Variants in NCAM2 observed in about 807,000 individuals in gnomAD.
The protein encoded by NCAM2 is neural cell adhesion molecule 2, also known as N-CAM-2.
Under a neutral mutation model 98.1 loss-of-function variants are expected in NCAM2, and 30 were observed. The observed-to-expected ratio is 0.31, with a 90% confidence interval of 0.23 to 0.41. The LOEUF (loss-of-function observed/expected upper bound fraction) is 0.41, where lower values mean the gene tolerates loss of function less well. Among genes scored for constraint, NCAM2 ranks in the 10% least tolerant of loss-of-function variants. The probability of loss-of-function intolerance (pLI) is 1.00; values close to 1 mark genes in which losing one functional copy is unlikely to be tolerated. For synonymous variants in NCAM2, 368 were observed against 342.4 expected (o/e 1.07, Z -0.83); for missense variants, 867 against 1,005.8 (o/e 0.86, Z 1.87).
chr21:21,497,538 C>T (rs1036479425), intron 15 of NCAM2, among the ~76,000 whole-genome samples: 1 of 151,964 alleles, frequency 6.6e-6, no homozygotes, highest in Non-Finnish European at 1.5e-5. Flanking sequence ...GTTCCGAATC[C>T]CTGATAAGCT....
chr21:21,198,641 A>G (rs1601623786), intron 1 of NCAM2, among the ~76,000 whole-genome samples: 1 of 152,158 alleles, frequency 6.6e-6, no homozygotes, highest in East Asian at 1.9e-4. Flanking sequence ...TCTGTTGATA[A>G]TAACTACTGG....
At chr21:21,458,485 C>A (rs1330800471) in intron 12 of NCAM2, among the ~76,000 whole-genome samples, 1 of 152,118 alleles carries the variant, frequency 6.6e-6, no homozygotes, top group Non-Finnish European at 1.5e-5. Context: ...GGGAGTGGAG[C>A]AAATCAATGG....
intron 5 of NCAM2, among the ~76,000 whole-genome samples, chr21:21,308,377 C>T (rs2073947101): frequency 6.6e-6 from 1 of 151,980 alleles, no homozygotes; most frequent in Admixed American, 6.6e-5. Flanking sequence ...ATATAAAATA[C>T]ATTTTTGCTG....
At chr21:21,293,794 T>C (rs2073379882) in intron 5 of NCAM2, among the ~76,000 whole-genome samples, 1 of 151,800 alleles carries the variant, frequency 6.6e-6, no homozygotes. Flanking sequence ...TCCAAAAAGA[T>C]TTATGATGAA....
intron 1 of NCAM2, among the ~76,000 whole-genome samples, chr21:21,247,914 C>T (rs142524773): frequency 1.3e-5 from 2 of 152,250 alleles, no homozygotes; most frequent in East Asian, 3.9e-4. Context: ...CCTTTCCCTT[C>T]TTCCTTCTTT....
chr21:21,324,706 G>C (rs2074467925), intron 6 of NCAM2, among the ~76,000 whole-genome samples: 1 of 152,028 alleles, frequency 6.6e-6, no homozygotes, highest in African/African-American at 2.4e-5. Context: ...AATATTCTGA[G>C]TCAAAGGCTG....
intron 17 of NCAM2, among the ~76,000 whole-genome samples, 187 bp from the exon 18 acceptor site, chr21:21,537,659 A>G (rs1990053623): frequency 6.6e-6 from 1 of 152,100 alleles, no homozygotes; most frequent in African/African-American, 2.4e-5. Flanking sequence ...TATTATGTTA[A>G]TAAATTTAAT....
Position 21,374,080 on chromosome 21 carries a change from A to G in NCAM2, c.1195+67A>G, listed in dbSNP as rs578013303. 8.6e-5 allele frequency: 126 copies of G among 1,472,288 alleles called. No homozygotes were observed. In the Admixed American group the frequency reaches 1.1e-3, roughly 13 times the overall value. 91.2% of individuals were successfully genotyped at this position (1,472,288 alleles called of 1,614,324 possible). On this transcript the variant is annotated intron_variant, in intron 9 of 17. Transcript: ENST00000400546. ...ATGCTTTGAAACATATGATTTTTCA[A>G]TAAAGACCAAAATATATATGTAGTT...
intron 8 of NCAM2, among the ~76,000 whole-genome samples, chr21:21,348,958 TC>T (rs1568963808): frequency 7.9e-5 from 12 of 152,110 alleles, no homozygotes; most frequent in African/African-American, 2.9e-4. Flanking sequence ...AAGACTTAAA[TC>T]TAAGACCTCA....
In NCAM2 at chr21:20,998,581, C is replaced by T. The variant is rs201622691; in HGVS notation, c.18C>T (p.Ser6=). The T allele has an allele frequency of 1.4e-4, 219 of 1,614,000 alleles. No homozygotes were observed. Among genetic ancestry groups the T allele is most frequent in the Non-Finnish European group, 1.8e-4 (208 of 1,180,008 alleles). The part of the protein sequence containing the change: MSLLL[S]FYLLGLLVSS... ...TCCTGAACATGAGCCTCCTCCTCTC[C>T]TTCTACCTGCTGGGGTTGCTTGTCA... Residue 6 remains serine, a synonymous_variant, in exon 1 of 18, where the codon TCC becomes TCT. Coordinates refer to ENST00000400546, the MANE Select transcript of NCAM2 (RefSeq NM_004540.5).
intron 7 of NCAM2, among the ~76,000 whole-genome samples, chr21:21,335,929 C>A (rs955328225): frequency 1.3e-5 from 2 of 152,086 alleles, no homozygotes; most frequent in Non-Finnish European, 2.9e-5. Flanking sequence ...GGTTTGTCAT[C>A]TGTGTCTGTA....
intron 9 of NCAM2, among the ~76,000 whole-genome samples, chr21:21,393,743 T>C (rs1021931865): frequency 2.0e-5 from 3 of 152,148 alleles, no homozygotes; most frequent in Non-Finnish European, 4.4e-5. Context: ...AATCTTTGTT[T>C]TCTAAATACA....
chr21:21,260,194 A>G (rs7281350), intron 1 of NCAM2, among the ~76,000 whole-genome samples: 150,619 of 151,912 alleles, frequency 0.99, 74,684 homozygotes, highest in East Asian at 1. Context: ...AGAGATGTGG[A>G]ATTATGTAAA....
chr21:21,530,302 A>T (rs918770175), intron 16 of NCAM2, among the ~76,000 whole-genome samples: 6 of 102,812 alleles, frequency 5.8e-5, no homozygotes, highest in Admixed American at 1.2e-4. Flanking sequence ...ATATAATTAA[A>T]TTAAATTATA....
chr21:21,461,899 A>G (rs1434630324), intron 12 of NCAM2, among the ~76,000 whole-genome samples: 1 of 152,008 alleles, frequency 6.6e-6, no homozygotes, highest in Non-Finnish European at 1.5e-5. Flanking sequence ...AGTCATTCGT[A>G]CGTGTGGAGC....
intron 15 of NCAM2, among the ~76,000 whole-genome samples, chr21:21,490,738 C>T (rs747737645): frequency 1.6e-4 from 24 of 151,434 alleles, no homozygotes; most frequent in Non-Finnish European, 2.5e-4. Flanking sequence ...TCATGTATAA[C>T]GCTTCTGTTT....
chr21:21,124,438 T>A (rs886612563), intron 1 of NCAM2, among the ~76,000 whole-genome samples: 1 of 152,194 alleles, frequency 6.6e-6, no homozygotes, highest in Non-Finnish European at 1.5e-5. Context: ...AGTTTAGGAT[T>A]TTCAGAAGCT....
At chr21:21,302,146 T>C (rs1208578502) in intron 5 of NCAM2, among the ~76,000 whole-genome samples, 1 of 150,688 alleles carries the variant, frequency 6.6e-6, no homozygotes, top group Non-Finnish European at 1.5e-5. Flanking sequence ...CATGCTGCTA[T>C]AAAGACACAT....
chr21:21,385,725 T>G, intron 9 of NCAM2: 1 of 1,153,082 alleles, frequency 8.7e-7, no homozygotes, highest in Non-Finnish European at 1.1e-6. Flanking sequence ...AACAGGCATG[T>G]GATATACAGT....
Sources: allele counts gnomAD v4.1 joint callset (sites outside exome capture counted in the v4.1 genomes callset), GRCh38; gene constraint gnomAD v4.1.1; transcripts MANE v1.5; gene names NCBI Gene and HGNC (gene_info 2026-07-23, HGNC 2026-07-21).